Variants in TENM3 observed in about 807,000 individuals in gnomAD.
TENM3 encodes the protein teneurin transmembrane protein 3, also known as teneurin-3.
TENM3 carries 63 observed loss-of-function variants against 255.1 expected under a neutral mutation model. The observed-to-expected ratio is 0.25, with a 90% confidence interval of 0.20 to 0.30. TENM3 has a LOEUF of 0.30. Among genes scored for constraint, TENM3 ranks in the 10% least tolerant of loss-of-function variants. The pLI, the probability that TENM3 is intolerant of heterozygous loss-of-function variation, is 1.00. For synonymous variants in TENM3, 1,306 were observed against 1,322.3 expected, an observed-to-expected ratio of 0.99 and a Z score of 0.27; for missense variants, 2,929 against 3,461.1, an observed-to-expected ratio of 0.85 and a Z score of 3.86.
the TENM3 span, among the ~76,000 whole-genome samples, chr4:181,912,886 GC>G: frequency 6.6e-6 from 1 of 152,240 alleles, no homozygotes; most frequent in Non-Finnish European, 1.5e-5. Context: ...TGGGGAGGAT[GC>G]AAGGAAACGT....
chr4:182,587,659 C>G (rs1030214700), intron 3 of TENM3, among the ~76,000 whole-genome samples: 1 of 152,116 alleles, frequency 6.6e-6, no homozygotes, highest in Non-Finnish European at 1.5e-5. Flanking sequence ...GATCTGCCCA[C>G]CTCGGCCTGC....
At chr4:182,363,194 A>T (rs1766151166) in intron 3 of TENM3, among the ~76,000 whole-genome samples, 1 of 152,178 alleles carries the variant, frequency 6.6e-6, no homozygotes, top group South Asian at 2.1e-4. Context: ...TTGGAGCCAG[A>T]ACTATAGGAT....
At chr4:181,472,776 C>G in the TENM3 span, among the ~76,000 whole-genome samples, 2,567 of 152,320 alleles carry the variant, frequency 0.017, 67 homozygotes, top group African/African-American at 0.059. Flanking sequence ...TGCAGCCAGC[C>G]TGCCGGGTTA....
chr4:181,828,735 T>C, the TENM3 span, among the ~76,000 whole-genome samples: 4 of 152,132 alleles, frequency 2.6e-5, 1 homozygote, highest in African/African-American at 9.7e-5. Context: ...ATTACAGGTG[T>C]GTGCCACCAC....
the TENM3 span, among the ~76,000 whole-genome samples, chr4:181,691,584 T>C: frequency 6.6e-6 from 1 of 152,020 alleles, no homozygotes; most frequent in African/African-American, 2.4e-5. Flanking sequence ...AATGATAGGG[T>C]AAATGGGTTT....
the TENM3 span, among the ~76,000 whole-genome samples, chr4:181,829,025 C>T: frequency 1.2e-4 from 18 of 152,302 alleles, no homozygotes; most frequent in Non-Finnish European, 2.4e-4. Flanking sequence ...GACATGGACC[C>T]GTTGCACTGC....
the TENM3 span, among the ~76,000 whole-genome samples, chr4:181,959,100 G>A: frequency 1.2e-4 from 18 of 152,222 alleles, no homozygotes; most frequent in Non-Finnish European, 2.2e-4. Flanking sequence ...TCAGAATCAA[G>A]TATTAAATTC....
the TENM3 span, among the ~76,000 whole-genome samples, chr4:181,718,165 A>G: frequency 6.6e-6 from 1 of 152,232 alleles, no homozygotes; most frequent in Non-Finnish European, 1.5e-5. Flanking sequence ...ATTAGTGAGG[A>G]GTATAAAAGA....
chr4:181,508,598 C>T, the TENM3 span, among the ~76,000 whole-genome samples: 250 of 152,274 alleles, frequency 1.6e-3, no homozygotes, highest in African/African-American at 5.5e-3. Flanking sequence ...CGTACATACA[C>T]TTTTGGAAGT....
chr4:181,926,230 T>C, the TENM3 span, among the ~76,000 whole-genome samples: 2,424 of 152,324 alleles, frequency 0.016, 67 homozygotes, highest in African/African-American at 0.055. Flanking sequence ...AACTATAGTA[T>C]GTACAGTGAA....
At chr4:181,481,022 A>C in the TENM3 span, among the ~76,000 whole-genome samples, 1 of 151,894 alleles carries the variant, frequency 6.6e-6, no homozygotes, top group Non-Finnish European at 1.5e-5. Context: ...CGACTAGAAT[A>C]AAATTGACTT....
At chr4:181,991,418 G>A in the TENM3 span, among the ~76,000 whole-genome samples, 1 of 152,090 alleles carries the variant, frequency 6.6e-6, no homozygotes, top group East Asian at 1.9e-4. Context: ...TATGTAAAAG[G>A]TTTCCGCCTA....
the TENM3 span, among the ~76,000 whole-genome samples, chr4:181,590,937 T>C: frequency 6.6e-6 from 1 of 152,210 alleles, no homozygotes; most frequent in Non-Finnish European, 1.5e-5. Context: ...TACCATGCTA[T>C]GATGTCTAAA....
chr4:182,496,928 G>A (rs1179051550), intron 3 of TENM3, among the ~76,000 whole-genome samples: 1 of 152,128 alleles, frequency 6.6e-6, no homozygotes, highest in Non-Finnish European at 1.5e-5. Flanking sequence ...GAGACATATT[G>A]TAGAATACAC....
chr4:182,660,535 TTG>T (rs1754144041), intron 6 of TENM3, among the ~76,000 whole-genome samples: 1 of 152,246 alleles, frequency 6.6e-6, no homozygotes, highest in South Asian at 2.1e-4. Flanking sequence ...ATATCAGTGA[TTG>T]TTTGCTCTTC....
the TENM3 span, among the ~76,000 whole-genome samples, chr4:181,979,410 T>C: frequency 6.6e-6 from 1 of 151,876 alleles, no homozygotes; most frequent in Non-Finnish European, 1.5e-5. Flanking sequence ...AGGCAATTAT[T>C]GATTGATTAA....
chr4:182,751,175 T>C (rs1416201827), intron 19 of TENM3, among the ~76,000 whole-genome samples: 1 of 152,224 alleles, frequency 6.6e-6, no homozygotes, highest in Non-Finnish European at 1.5e-5. Context: ...CCTAGCTCAC[T>C]GCCACAGGCC....
the TENM3 span, among the ~76,000 whole-genome samples, chr4:181,534,235 CAA>C: frequency 0.071 from 8,001 of 112,296 alleles, 224 homozygotes; most frequent in South Asian, 0.19. Flanking sequence ...GACTCCACCT[CAA>C]AAAAAAAAAA....
At chr4:182,180,870 C>G (rs1342632744) in intron 1 of TENM3, among the ~76,000 whole-genome samples, 12 of 151,858 alleles carry the variant, frequency 7.9e-5, no homozygotes, top group Non-Finnish European at 1.5e-5. Context: ...AATTTCATTG[C>G]TCTTCCTCTT....
Sources: gnomAD v4.1 joint callset for allele counts (sites outside exome capture counted in the v4.1 genomes callset) on GRCh38, gnomAD v4.1.1 for gene constraint, MANE v1.5 for transcripts, NCBI Gene and HGNC (gene_info 2026-07-23, HGNC 2026-07-21) for gene names.